Variants in NEK11 observed in about 807,000 individuals in gnomAD.
The protein encoded by NEK11 is serine/threonine-protein kinase Nek11.
NEK11 carries 72 observed loss-of-function variants against 80.7 expected under a neutral mutation model. The ratio of observed to expected loss-of-function variants is 0.89; its 90% CI spans 0.74 to 1.08. NEK11 has a LOEUF of 1.08. Ranked by LOEUF, NEK11 falls within the 50% of genes least tolerant of loss-of-function variation. The probability of loss-of-function intolerance (pLI) is 0.00; values close to 1 mark genes in which losing one functional copy is unlikely to be tolerated. For synonymous variants in NEK11, 251 were observed against 260.7 expected, an observed-to-expected ratio of 0.96 and a Z score of 0.36; for missense variants, 764 against 763.6, an observed-to-expected ratio of 1.00 and a Z score of -0.01.
chr3:131,041,532 A>G lies in NEK11; in HGVS notation c.170+11654A>G, dbSNP rs1043144969. 2.6e-5 allele frequency among the ~76,000 whole-genome samples: 4 copies of G among 152,170 alleles called. No homozygotes were observed. In the East Asian group the frequency reaches 5.8e-4, roughly 22 times the overall value. ...TGTGTGTGTGTGTGTATGTGTATAC[A>G]TACGTAAATATATACTCACGTATAT... On this transcript the variant is annotated intron_variant, in intron 3 of 17. Transcript: ENST00000383366.
chr3:131,058,816 T>C (rs1244525838), intron 3 of NEK11, among the ~76,000 whole-genome samples: 1 of 152,126 alleles, frequency 6.6e-6, no homozygotes, highest in Non-Finnish European at 1.5e-5. Flanking sequence ...TCTGTCTGGG[T>C]AACAGGAATT....
chr3:131,190,701 G>A (rs189731974), intron 14 of NEK11, among the ~76,000 whole-genome samples: 1 of 152,230 alleles, frequency 6.6e-6, no homozygotes, highest in Admixed American at 6.5e-5. Flanking sequence ...AGTGATACAA[G>A]TGGACTAATA....
intron 3 of NEK11, among the ~76,000 whole-genome samples, chr3:131,077,014 C>A (rs1234555314): frequency 5.3e-5 from 8 of 152,178 alleles, no homozygotes; most frequent in Non-Finnish European, 1.0e-4. Flanking sequence ...TTCCCCATTT[C>A]TGCAAAAGGT....
At chr3:131,047,986 G>GTTT (rs2067685825) in intron 3 of NEK11, among the ~76,000 whole-genome samples, 1 of 152,110 alleles carries the variant, frequency 6.6e-6, no homozygotes, top group Admixed American at 6.5e-5. Flanking sequence ...TGGTTCTCAG[G>GTTT]CCAGTGGGAT....
chr3:131,331,793 C>T (rs919114438), intron 17 of NEK11, among the ~76,000 whole-genome samples: 2 of 152,238 alleles, frequency 1.3e-5, no homozygotes, highest in African/African-American at 2.4e-5. Flanking sequence ...GCTTAAAAAA[C>T]GGTGCACTAG....
chr3:131,129,258 G>A (rs368354716), intron 5 of NEK11, among the ~76,000 whole-genome samples: 7 of 151,986 alleles, frequency 4.6e-5, no homozygotes, highest in East Asian at 1.9e-4. Flanking sequence ...GTTTCACCAC[G>A]TTAGCCAGGA....
At chr3:131,126,959 C>CTTTTTTTTTTTTTTTTTT (rs71133688) in intron 5 of NEK11, among the ~76,000 whole-genome samples, 24 of 90,118 alleles carry the variant, frequency 2.7e-4, no homozygotes, top group African/African-American at 4.2e-4. Flanking sequence ...TTCTTTCTTT[C>CTTTTTTTTTTTTTTTTTT]TTTTTTTTTT....
chr3:131,129,276 G>A (rs531745593), intron 5 of NEK11, among the ~76,000 whole-genome samples: 34 of 152,082 alleles, frequency 2.2e-4, no homozygotes, highest in African/African-American at 7.5e-4. Context: ...GGATGGTCTC[G>A]ATCTCCTGAC....
At chr3:131,255,122 A>AAGAAAGAG (rs1462756091) in intron 16 of NEK11, among the ~76,000 whole-genome samples, 2 of 144,570 alleles carry the variant, frequency 1.4e-5, no homozygotes, top group Non-Finnish European at 3.1e-5. Flanking sequence ...GAAAGAAAGA[A>AAGAAAGAG]AGAAAGAGAG....
rs140092512 is a variant in NEK11 at position 131,162,501 on chromosome 3, G to A, written c.1056G>A (p.Ala352=). ...GGATGCGGCTGAGGAAGCTCCAGGC[G>A]GCTGATGAGAAAGCCAGGAAGCTGA... The part of the protein sequence containing the change: ...RERMRLRKLQ[A]ADEKARKLKK... The change falls in exon 11 of 18, where the codon GCG becomes GCA. Residue 352 remains alanine, a synonymous_variant. Transcript: ENST00000383366. The A allele has an allele frequency of 3.1e-6, 5 of 1,614,044 alleles. No homozygotes were observed. The highest frequency in any genetic ancestry group is 1.3e-5 in the African/African-American group (1 of 75,004).
chr3:131,030,640 T>A lies in NEK11; in HGVS notation c.170+762T>A, dbSNP rs886893241. Among the ~76,000 whole-genome samples the A allele has an allele frequency of 3.9e-5, 6 of 152,242 alleles. 1 individual carries two copies. The East Asian group carries it at 9.6e-4, about 24-fold the overall frequency. ...CTTTCCATGGCGAGGATTTTCAAAT[T>A]CCGTAGTCAGAAAGCTGTCAGATTA... On this transcript the variant is annotated intron_variant, in intron 3 of 17. Coordinates refer to ENST00000383366, the MANE Select transcript of NEK11 (RefSeq NM_024800.5).
chr3:131,123,545 G>T (rs2082751736), intron 5 of NEK11, among the ~76,000 whole-genome samples: 1 of 152,102 alleles, frequency 6.6e-6, no homozygotes, highest in African/African-American at 2.4e-5. Context: ...CATTACCACA[G>T]TGCCAGCTAA....
At chr3:131,128,419 C>T (rs1363878860) in intron 5 of NEK11, among the ~76,000 whole-genome samples, 1 of 152,160 alleles carries the variant, frequency 6.6e-6, no homozygotes, top group African/African-American at 2.4e-5. Context: ...ATAGATTTCT[C>T]AGGCTGACTT....
At chr3:131,063,264 A>G (rs998387784) in intron 3 of NEK11, among the ~76,000 whole-genome samples, 2 of 152,154 alleles carry the variant, frequency 1.3e-5, no homozygotes, top group African/African-American at 4.8e-5. Context: ...GACTTAAGCA[A>G]TTCTTCTGCC....
intron 16 of NEK11, among the ~76,000 whole-genome samples, chr3:131,246,784 T>G (rs1229337510): frequency 6.6e-6 from 1 of 152,156 alleles, no homozygotes; most frequent in Admixed American, 6.6e-5. Context: ...TATTATTTTC[T>G]GATTTTTAAA....
intron 4 of NEK11, among the ~76,000 whole-genome samples, chr3:131,087,334 C>T (rs538892642): frequency 9.8e-4 from 147 of 150,048 alleles, no homozygotes; most frequent in African/African-American, 3.5e-3. Context: ...ACCTCTGCCT[C>T]CCAGGTTCAA....
intron 14 of NEK11, among the ~76,000 whole-genome samples, chr3:131,205,618 C>A (rs1407637532): frequency 6.6e-6 from 1 of 152,166 alleles, no homozygotes; most frequent in Non-Finnish European, 1.5e-5. Flanking sequence ...ACCTCTCTCC[C>A]ACACCCCCAG....
intron 17 of NEK11, among the ~76,000 whole-genome samples, chr3:131,283,000 C>T (rs1007827351): frequency 8.5e-5 from 13 of 152,168 alleles, no homozygotes; most frequent in African/African-American, 2.9e-4. Flanking sequence ...CCTTCTGTTT[C>T]CTGAAGTTCT....
chr3:131,124,319 G>A (rs1161428428), intron 5 of NEK11, among the ~76,000 whole-genome samples: 1 of 152,076 alleles, frequency 6.6e-6, no homozygotes, highest in Non-Finnish European at 1.5e-5. Flanking sequence ...TATTATCTGG[G>A]CTACTTCCTA....
Sources: gnomAD v4.1 joint callset for allele counts (sites outside exome capture counted in the v4.1 genomes callset) on GRCh38, gnomAD v4.1.1 for gene constraint, MANE v1.5 for transcripts, NCBI Gene and HGNC (gene_info 2026-07-23, HGNC 2026-07-21) for gene names.